The following WWOX variants were observed in gnomAD, a reference collection of about 807,000 sequenced individuals.
The protein encoded by WWOX is WW domain containing oxidoreductase.
A neutral mutation model predicts 46.2 loss-of-function variants in WWOX; 69 were observed. The observed-to-expected ratio is 1.49, with a 90% CI of 1.23 to 1.82. WWOX has a LOEUF of 1.82. WWOX is among the 40% of genes most tolerant of loss of function. WWOX has a pLI of 0.00. For synonymous variants in WWOX, 359 were observed against 202.6 expected, an observed-to-expected ratio of 1.77 and a Z score of -6.56; for missense variants, 919 against 542.6, an observed-to-expected ratio of 1.69 and a Z score of -6.89.
Position 78,351,723 on chromosome 16 carries a change from G to A in WWOX, c.517-35137G>A, listed in dbSNP as rs1451390530. On this transcript the variant is annotated intron_variant, in intron 5 of 8. Coordinates refer to ENST00000566780, the MANE Select transcript of WWOX (RefSeq NM_016373.4). The stretch of plus-strand genomic sequence containing the variant: ...CCAGGCTGGAATGCAGTGGCACGAT[G>A]TTGGCTCACTGCAAACCCTGCCTCC... Among the ~76,000 whole-genome samples, 4 of 152,090 alleles carry A rather than the reference G, an allele frequency of 2.6e-5. No individual in the cohort carries two copies. In the East Asian group the frequency reaches 7.7e-4, roughly 29 times the overall value.
At chr16:78,735,412 C>G (rs893183623) in intron 8 of WWOX, among the ~76,000 whole-genome samples, 3 of 151,180 alleles carry the variant, frequency 2.0e-5, no homozygotes, top group Non-Finnish European at 4.4e-5. Context: ...CACACACACA[C>G]ACACACACAC....
chr16:78,746,573 G>T (rs956382690), intron 8 of WWOX, among the ~76,000 whole-genome samples: 5 of 151,756 alleles, frequency 3.3e-5, no homozygotes, highest in African/African-American at 7.3e-5. Context: ...TCTTGCTCCT[G>T]GATTTTTGGC....
chr16:78,513,900 C>G (rs111265262), intron 8 of WWOX, among the ~76,000 whole-genome samples: 1 of 147,526 alleles, frequency 6.8e-6, no homozygotes, highest in African/African-American at 2.6e-5. Context: ...CCACTCCCCC[C>G]CCCCCCACTT....
intron 8 of WWOX, among the ~76,000 whole-genome samples, chr16:78,789,767 C>G (rs2050547421): frequency 1.3e-5 from 2 of 152,178 alleles, no homozygotes; most frequent in African/African-American, 4.8e-5. Flanking sequence ...TCCCAAACAC[C>G]ATGACATACA....
intron 8 of WWOX, among the ~76,000 whole-genome samples, chr16:78,819,941 C>A (rs1416846058): frequency 2.0e-5 from 3 of 152,176 alleles, no homozygotes; most frequent in African/African-American, 7.2e-5. Context: ...TATGTATTCA[C>A]TCATCTATTC....
At chr16:78,884,139 G>C (rs1170632577) in intron 8 of WWOX, among the ~76,000 whole-genome samples, 2 of 151,846 alleles carry the variant, frequency 1.3e-5, no homozygotes, top group Non-Finnish European at 2.9e-5. Context: ...AGGCATAGTG[G>C]CGTATGCCTG....
At chr16:78,362,984 C>T (rs987771312) in intron 5 of WWOX, among the ~76,000 whole-genome samples, 1 of 152,152 alleles carries the variant, frequency 6.6e-6, no homozygotes, top group Non-Finnish European at 1.5e-5. Flanking sequence ...CAGCATTAGG[C>T]AATATTCAAG....
At chr16:78,525,957 A>G (rs1282952081) in intron 8 of WWOX, 2 of 152,128 alleles carry the variant, frequency 1.3e-5, no homozygotes, top group Non-Finnish European at 1.5e-5. Context: ...TGATTGGAAC[A>G]TTGTATTTTA....
intron 8 of WWOX, among the ~76,000 whole-genome samples, chr16:78,512,077 T>A (rs148833060): frequency 1.2e-3 from 190 of 152,324 alleles, no homozygotes; most frequent in Middle Eastern, 6.8e-3. Context: ...CATCCAAGAT[T>A]CTAAACTTAG....
intron 8 of WWOX, among the ~76,000 whole-genome samples, chr16:78,960,819 C>T (rs2046257557): frequency 6.6e-6 from 1 of 152,128 alleles, no homozygotes. Context: ...AACTAGCATC[C>T]TGTTTTACTG....
chr16:78,492,729 C>T (rs2084813982), intron 8 of WWOX, among the ~76,000 whole-genome samples: 1 of 152,164 alleles, frequency 6.6e-6, no homozygotes, highest in African/African-American at 2.4e-5. Flanking sequence ...AGTTATGATT[C>T]AGGGAGTAAT....
chr16:78,583,430 A>G (rs1029378504), intron 8 of WWOX, among the ~76,000 whole-genome samples: 1 of 152,164 alleles, frequency 6.6e-6, no homozygotes, highest in Non-Finnish European at 1.5e-5. Flanking sequence ...CTTCAAAGGA[A>G]TTTAGAATCA....
intron 8 of WWOX, among the ~76,000 whole-genome samples, chr16:78,454,084 A>G (rs1199687504): frequency 6.6e-6 from 1 of 152,196 alleles, no homozygotes; most frequent in Admixed American, 6.5e-5. Flanking sequence ...ACTAATACCC[A>G]AGAAATTCCC....
intron 8 of WWOX, among the ~76,000 whole-genome samples, chr16:79,023,019 C>G (rs1161606293): frequency 6.6e-6 from 1 of 151,920 alleles, no homozygotes; most frequent in African/African-American, 2.4e-5. Context: ...GTGTATATAG[C>G]CAGCACTCAC....
chr16:78,834,372 T>G (rs1307720028), intron 8 of WWOX, among the ~76,000 whole-genome samples: 2 of 152,168 alleles, frequency 1.3e-5, no homozygotes, highest in Admixed American at 1.3e-4. Flanking sequence ...AGGATTGTCG[T>G]GCGTGTGTCT....
chr16:78,876,921 C>G (rs1030363567), intron 8 of WWOX, among the ~76,000 whole-genome samples: 11 of 152,146 alleles, frequency 7.2e-5, no homozygotes, highest in Non-Finnish European at 1.5e-4. Flanking sequence ...TCTTGTAACT[C>G]TACTTAAAAT....
chr16:78,977,562 C>A (rs1397584709), intron 8 of WWOX, among the ~76,000 whole-genome samples: 1 of 151,440 alleles, frequency 6.6e-6, no homozygotes, highest in Admixed American at 6.6e-5. Flanking sequence ...GCTTAATTTC[C>A]TTTTTCTTTG....
chr16:78,702,155 C>G (rs1279958747), intron 8 of WWOX, among the ~76,000 whole-genome samples: 1 of 136,572 alleles, frequency 7.3e-6, no homozygotes, highest in Non-Finnish European at 1.5e-5. Context: ...TGGCATGCAA[C>G]TGCAGTGTCA....
rs201540781 is a variant in WWOX, at chr16:78,323,456, A to G, written c.517-63404A>G. ...ACAGTAAGCAAGCAAGGCTCAGTTA[A>G]TGATAAATTGTTATCAGGAGACCCA... On this transcript the variant is annotated intron_variant, in intron 5 of 8. Coordinates refer to ENST00000566780, the MANE Select transcript of WWOX (RefSeq NM_016373.4). 2.0e-5 allele frequency among the ~76,000 whole-genome samples: 3 copies of G among 152,096 alleles called. No individual in the cohort carries two copies. In the East Asian group the frequency reaches 5.8e-4, roughly 30 times the overall value.
Sources: allele counts gnomAD v4.1 joint callset (sites outside exome capture counted in the v4.1 genomes callset), GRCh38; gene constraint gnomAD v4.1.1; transcripts MANE v1.5; gene names NCBI Gene and HGNC (gene_info 2026-07-23, HGNC 2026-07-21).